Variants in GRIK1 observed in about 807,000 individuals in gnomAD.
The protein encoded by GRIK1 is glutamate receptor ionotropic, kainate 1.
A neutral mutation model predicts 105.7 loss-of-function variants in GRIK1; 69 were observed. That is an observed-to-expected ratio of 0.65 (90% CI 0.54 to 0.80). The LOEUF (loss-of-function observed/expected upper bound fraction) is 0.80. GRIK1 is among the 30% of genes least tolerant of loss of function. The probability of loss-of-function intolerance (pLI) is 0.00; values close to 1 mark genes in which losing one functional copy is unlikely to be tolerated. For synonymous variants in GRIK1, 438 were observed against 431.3 expected, an observed-to-expected ratio of 1.02 and a Z score of -0.19; for missense variants, 1,109 against 1,167.3, an observed-to-expected ratio of 0.95 and a Z score of 0.73.
chr21:29,556,337 T>C (rs1384945786), intron 15 of GRIK1, among the ~76,000 whole-genome samples: 1 of 152,194 alleles, frequency 6.6e-6, no homozygotes, highest in Non-Finnish European at 1.5e-5. Flanking sequence ...AAAGTGCCTG[T>C]CTTTGATCTT....
intron 7 of GRIK1, among the ~76,000 whole-genome samples, chr21:29,639,198 G>A (rs1032651037): frequency 6.6e-6 from 1 of 152,220 alleles, no homozygotes; most frequent in Non-Finnish European, 1.5e-5. Flanking sequence ...TAGATTGTGT[G>A]TGTTCTTCGG....
At chr21:29,753,751 T>C (rs1282693304) in intron 1 of GRIK1, among the ~76,000 whole-genome samples, 2 of 152,198 alleles carry the variant, frequency 1.3e-5, no homozygotes, top group Admixed American at 1.3e-4. Flanking sequence ...TGTACAGGTG[T>C]ATGAAATATT....
chr21:29,576,904 TC>T (rs1326367015), intron 14 of GRIK1, 59 bp downstream of exon 14: 5 of 823,496 alleles, frequency 6.1e-6, no homozygotes, highest in Non-Finnish European at 9.2e-6. Context: ...TTCGACAGAT[TC>T]TTTTATACTC....
intron 1 of GRIK1, among the ~76,000 whole-genome samples, chr21:29,869,646 A>G (rs958021025): frequency 2.0e-5 from 3 of 152,230 alleles, no homozygotes; most frequent in Admixed American, 6.5e-5. Context: ...TGTGTATCCT[A>G]GCGTATAGCA....
chr21:29,565,047 A>G (rs1317020003), intron 14 of GRIK1, among the ~76,000 whole-genome samples: 2 of 152,196 alleles, frequency 1.3e-5, no homozygotes, highest in Admixed American at 6.5e-5. Flanking sequence ...GGGGAAGTCT[A>G]GTTGGCATGG....
At chr21:29,735,483 C>G (rs532350228) in intron 1 of GRIK1, among the ~76,000 whole-genome samples, 1 of 152,270 alleles carries the variant, frequency 6.6e-6, no homozygotes, top group African/African-American at 2.4e-5. Context: ...CATTGCACCC[C>G]AAATCTTCTA....
chr21:29,671,317 G>T (rs1487765360), intron 4 of GRIK1, among the ~76,000 whole-genome samples: 1 of 151,704 alleles, frequency 6.6e-6, no homozygotes, highest in African/African-American at 2.4e-5. Flanking sequence ...TAGAGACAGG[G>T]TTTCACCATG....
chr21:29,574,516 T>C (rs991722300), intron 14 of GRIK1, among the ~76,000 whole-genome samples: 1 of 152,190 alleles, frequency 6.6e-6, no homozygotes, highest in East Asian at 1.9e-4. Context: ...ACAAGGACCA[T>C]GATGAATCAC....
At chr21:29,933,224 C>A (rs2071634550) in intron 1 of GRIK1, among the ~76,000 whole-genome samples, 1 of 151,882 alleles carries the variant, frequency 6.6e-6, no homozygotes, top group Non-Finnish European at 1.5e-5. Context: ...TAATCTTAAA[C>A]CTTTAAGAAA....
At chr21:29,888,202 T>TTTCTTC (rs1476394861) in intron 1 of GRIK1, among the ~76,000 whole-genome samples, 5 of 38,966 alleles carry the variant, frequency 1.3e-4, no homozygotes, top group Admixed American at 3.7e-4. Context: ...TCTTTCTCTC[T>TTTCTTC]CTCTCTCTCT....
chr21:29,897,997 G>A (rs1185658720), intron 1 of GRIK1, among the ~76,000 whole-genome samples: 1 of 152,172 alleles, frequency 6.6e-6, no homozygotes, highest in Non-Finnish European at 1.5e-5. Flanking sequence ...ATGATCAGAA[G>A]GATTAAAGTA....
intron 1 of GRIK1, among the ~76,000 whole-genome samples, chr21:29,848,394 C>T (rs2068193879): frequency 6.6e-6 from 1 of 152,124 alleles, no homozygotes; most frequent in African/African-American, 2.4e-5. Context: ...CCAACCTGTG[C>T]TTCCGGCCTC....
chr21:29,639,372 C>A (rs753260452), intron 7 of GRIK1, among the ~76,000 whole-genome samples: 17 of 152,170 alleles, frequency 1.1e-4, no homozygotes, highest in Non-Finnish European at 2.1e-4. Flanking sequence ...CAATAGCATA[C>A]CCACAGTTGT....
At chr21:29,838,759 A>C (rs1234165293) in intron 1 of GRIK1, among the ~76,000 whole-genome samples, 1 of 152,236 alleles carries the variant, frequency 6.6e-6, no homozygotes, top group Non-Finnish European at 1.5e-5. Context: ...AATGTCCTGT[A>C]ATCTCTTGTA....
chr21:29,612,619 T>A (rs7510283), intron 7 of GRIK1, among the ~76,000 whole-genome samples: 7,211 of 152,272 alleles, frequency 0.047, 249 homozygotes, highest in Non-Finnish European at 0.072. Flanking sequence ...GATGCTTGGC[T>A]TTTATAAAAC....
Position 29,598,877 on chromosome 21 carries a change from C to T in GRIK1, c.1159G>A (p.Asp387Asn), listed in dbSNP as rs377399029. Residue 387 changes from aspartate to asparagine, a missense_variant, in exon 8 of 18, where the codon GAT becomes AAT. Physicochemically the swap from Asp to Asn is conservative, Grantham distance 23. Transcript: ENST00000327783. ...AGACTAATAATGTCCAGATCAAAAT[C>T]CTTCCTCAAGCCATTGGTTTTATTA... Reference protein sequence around the residue: ...TFNKTNGLRKDFDLDIISLKE... With the variant: ...TFNKTNGLRKNFDLDIISLKE... 3 of 1,597,340 alleles carry T rather than the reference C, an allele frequency of 1.9e-6. No individual in the cohort carries two copies. Among genetic ancestry groups the T allele is most frequent in the Non-Finnish European group, 2.6e-6 (3 of 1,167,456 alleles).
intron 7 of GRIK1, among the ~76,000 whole-genome samples, chr21:29,612,796 G>A (rs893858535): frequency 9.9e-5 from 15 of 152,184 alleles, no homozygotes; most frequent in African/African-American, 2.6e-4. Flanking sequence ...TAAAAATACC[G>A]CTAATAGGCT....
rs1568813929 is a variant in GRIK1 at position 29,560,386 on chromosome 21, TTCCTTC to T, written c.2356+1232_2356+1237del. Among the ~76,000 whole-genome samples the T allele has an allele frequency of 2.8e-4, 23 of 83,474 alleles. 1 individual carries two copies. Among genetic ancestry groups the T allele is most frequent in the Admixed American group, 1.8e-3 (14 of 7,768 alleles). 54.8% of individuals were successfully genotyped at this position (83,474 alleles called of 152,430 possible). ...CTTTCTTCCTTCCTTCCTTCCTTCC[TTCCTTC>T]CTTCCTTCCTTTCTTTCTTTCTTTC... On this transcript the variant is annotated intron_variant, in intron 15 of 17. Coordinates refer to ENST00000327783, the MANE Select transcript of GRIK1 (RefSeq NM_001330994.2).
intron 14 of GRIK1, among the ~76,000 whole-genome samples, chr21:29,567,356 T>C (rs1424015788): frequency 6.6e-6 from 1 of 152,202 alleles, no homozygotes; most frequent in East Asian, 1.9e-4. Context: ...TATCACATTA[T>C]TTCTTCCACC....
Sources: gnomAD v4.1 joint callset for allele counts (sites outside exome capture counted in the v4.1 genomes callset) on GRCh38, gnomAD v4.1.1 for gene constraint, MANE v1.5 for transcripts, NCBI Gene and HGNC (gene_info 2026-07-23, HGNC 2026-07-21) for gene names.